The following MTRF1 variants were observed in gnomAD, a reference collection of about 807,000 sequenced individuals.
MTRF1 encodes peptide chain release factor 1, mitochondrial.
In MTRF1, 51 loss-of-function variants were observed where a neutral mutation model predicts 62.9. The observed-to-expected ratio is 0.81, with a 90% CI of 0.65 to 1.02. The LOEUF (loss-of-function observed/expected upper bound fraction) is 1.02, where lower values mean the gene tolerates loss of function less well. Among genes scored for constraint, MTRF1 ranks in the 50% least tolerant of loss-of-function variants. The pLI, the probability that MTRF1 is intolerant of heterozygous loss-of-function variation, is 0.00. For synonymous variants in MTRF1, 158 were observed against 181.9 expected (o/e 0.87, Z 1.06); for missense variants, 446 against 530.0 (o/e 0.84, Z 1.56).
the MTRF1 span, among the ~76,000 whole-genome samples, chr13:41,290,497 C>T: frequency 1.1e-3 from 164 of 151,544 alleles, no homozygotes; most frequent in African/African-American, 3.8e-3. Context: ...GGGTCCTAAG[C>T]GATTCTCCTG....
At chr13:41,311,279 A>AACC in the MTRF1 span, 3 of 551,778 alleles carry the variant, frequency 5.4e-6, no homozygotes, top group Admixed American at 3.6e-5. Context: ...AGTGCGCGGG[A>AACC]ACCGCCGCCG....
the MTRF1 span, among the ~76,000 whole-genome samples, chr13:41,272,533 A>G: frequency 3.3e-5 from 5 of 152,178 alleles, no homozygotes; most frequent in Admixed American, 6.5e-5. Context: ...GTCAAATCTG[A>G]TGAGAGAAAG....
Position 41,240,275 on chromosome 13 carries a change from G to A in MTRF1, c.856C>T (p.Pro286Ser). ...CCTGAGGTTACCTCATCTGGCTGAGGAAGGACAATAACCGACATCGTTCCT... is the reference window on the plus strand; with the variant it reads ...CCTGAGGTTACCTCATCTGGCTGAGAAAGGACAATAACCGACATCGTTCCT... ...HTGTMSVIVL[P>S]QPDEVDVKLD... The change falls in exon 6 of 10, where the codon CCT becomes TCT. Residue 286 changes from proline (P) to serine (S), a missense_variant. Pro to Ser is a moderately conservative substitution (Grantham distance 74). Transcript: ENST00000379480. The A allele has an allele frequency of 1.2e-6, 2 of 1,608,268 alleles. No homozygotes were observed. The highest frequency in any genetic ancestry group is 2.2e-5 in the East Asian group (1 of 44,524).
the MTRF1 span, among the ~76,000 whole-genome samples, chr13:41,280,601 A>C: frequency 6.6e-6 from 1 of 152,048 alleles, no homozygotes; most frequent in Admixed American, 6.6e-5. Context: ...ACCAATGTAT[A>C]TCTTACATGT....
intron 8 of MTRF1, among the ~76,000 whole-genome samples, chr13:41,225,292 T>G (rs2034190581): frequency 6.6e-6 from 1 of 151,912 alleles, no homozygotes; most frequent in South Asian, 2.1e-4. Flanking sequence ...TTTTTAAAAT[T>G]CAAATGTGGC....
intron 2 of MTRF1, among the ~76,000 whole-genome samples, chr13:41,255,890 G>GAT: frequency 6.6e-6 from 1 of 152,268 alleles, no homozygotes; most frequent in African/African-American, 2.4e-5. Flanking sequence ...CACTGCTTTA[G>GAT]AGGCTTGGAG....
the MTRF1 span, among the ~76,000 whole-genome samples, chr13:41,306,378 C>T: frequency 4.7e-5 from 7 of 148,440 alleles, no homozygotes; most frequent in Admixed American, 2.0e-4. Context: ...AGTGAGACTC[C>T]GTCTCAAAAA....
chr13:41,248,706 C>T (rs2038622897), intron 5 of MTRF1, among the ~76,000 whole-genome samples: 1 of 152,152 alleles, frequency 6.6e-6, no homozygotes, highest in Non-Finnish European at 1.5e-5. Flanking sequence ...AATTACATTA[C>T]CGTAAGTCAC....
the MTRF1 span, among the ~76,000 whole-genome samples, chr13:41,299,085 G>C: frequency 7.7e-6 from 1 of 130,372 alleles, no homozygotes; most frequent in South Asian, 2.8e-4. Flanking sequence ...GGCTGAGGCA[G>C]GTGAATCACT....
intron 2 of MTRF1, among the ~76,000 whole-genome samples, chr13:41,257,320 G>A (rs2139157925): frequency 6.6e-6 from 1 of 152,326 alleles, no homozygotes; most frequent in East Asian, 1.9e-4. Context: ...ACGCCTAGAG[G>A]TAGGGCTACA....
At chr13:41,234,156 A>C (rs1420668286) in intron 6 of MTRF1, 149 bp from the exon 7 acceptor site, 1 of 664,096 alleles carries the variant, frequency 1.5e-6, no homozygotes, top group Non-Finnish European at 2.6e-6. Context: ...AAAGAGCAAT[A>C]AACTCCCCAT....
At chr13:41,269,056 C>A in the MTRF1 span, among the ~76,000 whole-genome samples, 2 of 148,534 alleles carry the variant, frequency 1.3e-5, no homozygotes, top group African/African-American at 2.5e-5. Context: ...TAGTCTAGAA[C>A]TAAATTTACC....
chr13:41,270,681 A>G, the MTRF1 span, among the ~76,000 whole-genome samples: 1 of 152,182 alleles, frequency 6.6e-6, no homozygotes, highest in Non-Finnish European at 1.5e-5. Flanking sequence ...AATGAATGTA[A>G]TTGCTAATTA....
chr13:41,296,562 G>A, the MTRF1 span, among the ~76,000 whole-genome samples: 79 of 152,112 alleles, frequency 5.2e-4, no homozygotes, highest in South Asian at 1.9e-3. Flanking sequence ...TAAATTGTAC[G>A]GTAGGCATTG....
chr13:41,311,308 C>T, the MTRF1 span: 2 of 546,542 alleles, frequency 3.7e-6, no homozygotes, highest in African/African-American at 2.0e-5. Flanking sequence ...GGCCAAAAAG[C>T]GGAGCCCAGG....
the MTRF1 span, among the ~76,000 whole-genome samples, chr13:41,268,932 GT>G: frequency 2.7e-5 from 4 of 150,490 alleles, no homozygotes; most frequent in African/African-American, 9.7e-5. Context: ...AAAGTTTTCA[GT>G]TTTTTTCTTA....
At chr13:41,288,011 G>A in the MTRF1 span, 16 of 368,510 alleles carry the variant, frequency 4.3e-5, no homozygotes, top group Non-Finnish European at 8.7e-5. Flanking sequence ...TGGGAAAATG[G>A]TGCTGCATTT....
At chr13:41,245,211 T>G (rs1021828625) in intron 5 of MTRF1, among the ~76,000 whole-genome samples, 1 of 151,998 alleles carries the variant, frequency 6.6e-6, no homozygotes. Flanking sequence ...ATTTCATTTC[T>G]AATCCTGATT....
intron 5 of MTRF1, among the ~76,000 whole-genome samples, chr13:41,241,598 T>C (rs2037508056): frequency 6.6e-6 from 1 of 152,232 alleles, no homozygotes; most frequent in Non-Finnish European, 1.5e-5. Flanking sequence ...CGTGTAGCCC[T>C]AGGCGCTACA....
Sources: gnomAD v4.1 joint callset for allele counts (sites outside exome capture counted in the v4.1 genomes callset) on GRCh38, gnomAD v4.1.1 for gene constraint, MANE v1.5 for transcripts, NCBI Gene and HGNC (gene_info 2026-07-23, HGNC 2026-07-21) for gene names.